PPP2R2C: variants seen among roughly 807,000 people sequenced by gnomAD.
The protein encoded by PPP2R2C is protein phosphatase 2, regulatory subunit B, gamma.
PPP2R2C carries 10 observed loss-of-function variants against 45.3 expected under a neutral mutation model. That is an observed-to-expected ratio of 0.22 (90% CI 0.14 to 0.37). The LOEUF (loss-of-function observed/expected upper bound fraction) is 0.37, where lower values mean the gene tolerates loss of function less well. Ranked by LOEUF, PPP2R2C falls within the 10% of genes least tolerant of loss-of-function variation. PPP2R2C has a pLI of 1.00. For synonymous variants in PPP2R2C, 257 were observed against 245.4 expected, an observed-to-expected ratio of 1.05 and a Z score of -0.44; for missense variants, 308 against 619.7, an observed-to-expected ratio of 0.50 and a Z score of 5.34.
intron 1 of PPP2R2C, among the ~76,000 whole-genome samples, chr4:6,423,045 T>C (rs1719076917): frequency 6.6e-6 from 1 of 152,206 alleles, no homozygotes; most frequent in Non-Finnish European, 1.5e-5. Flanking sequence ...CACTCACATC[T>C]GTCACGCTGG....
At position 6,345,436 on chromosome 4, in the gene PPP2R2C, A is replaced by G. The variant is rs1204107060; in HGVS notation, c.790+2410T>C. 6.6e-6 allele frequency among the ~76,000 whole-genome samples: 1 copy of G among 152,220 alleles called. No individual in the cohort carries two copies. The highest frequency in any genetic ancestry group is 6.5e-5 in the Admixed American group (1 of 15,286). ...TCAAAATAAGGCCAAAGATGAAATC[A>G]AGGACGCAACTCAGCCAACCTTGAG... On this transcript the variant is annotated intron_variant, in intron 6 of 8. Coordinates refer to ENST00000382599, the MANE Select transcript of PPP2R2C (RefSeq NM_020416.4). The surrounding 1 kb of genome is among the most constrained non-coding windows in gnomAD (Gnocchi z 5.3).
intron 2 of PPP2R2C, among the ~76,000 whole-genome samples, chr4:6,505,834 T>C (rs1445217472): frequency 6.6e-6 from 1 of 152,066 alleles, no homozygotes; most frequent in African/African-American, 2.4e-5. Context: ...GGCGTGGTGG[T>C]ACACGCTTGT....
intron 1 of PPP2R2C, chr4:6,383,300 G>C (rs1715988665): frequency 1.2e-5 from 15 of 1,272,464 alleles, no homozygotes; most frequent in Non-Finnish European, 1.5e-5. Flanking sequence ...AGCAGGGCAA[G>C]CCCAGCCAAG....
chr4:6,338,054 C>T (rs946463120), intron 6 of PPP2R2C, among the ~76,000 whole-genome samples: 1 of 151,918 alleles, frequency 6.6e-6, no homozygotes, highest in Non-Finnish European at 1.5e-5. Flanking sequence ...ACACACACAC[C>T]CCGCTGCACC....
chr4:6,335,026 G>A (rs1445582730), intron 6 of PPP2R2C, among the ~76,000 whole-genome samples: 1 of 152,204 alleles, frequency 6.6e-6, no homozygotes, highest in Non-Finnish European at 1.5e-5. Flanking sequence ...TACAACTCCT[G>A]TCCAGCTCCC....
At chr4:6,366,400 T>C (rs1714310163) in intron 5 of PPP2R2C, among the ~76,000 whole-genome samples, 1 of 152,038 alleles carries the variant, frequency 6.6e-6, no homozygotes, top group Non-Finnish European at 1.5e-5. Context: ...CACATGGAAG[T>C]GGTGAACTTC....
At chr4:6,560,411 G>C (rs908488142) in intron 1 of PPP2R2C, among the ~76,000 whole-genome samples, 3 of 152,238 alleles carry the variant, frequency 2.0e-5, no homozygotes, top group Non-Finnish European at 4.4e-5. Context: ...GTGGGGTAGA[G>C]TGACCAAGGA....
chr4:6,447,044 A>C (rs1560553746), intron 1 of PPP2R2C, among the ~76,000 whole-genome samples: 1 of 152,160 alleles, frequency 6.6e-6, no homozygotes. Context: ...AGGTCCTGCC[A>C]GGAAGCTGTG....
At chr4:6,433,906 C>T (rs1054133976) in intron 1 of PPP2R2C, among the ~76,000 whole-genome samples, 1 of 152,202 alleles carries the variant, frequency 6.6e-6, no homozygotes, top group African/African-American at 2.4e-5. Flanking sequence ...CTAAGCTGTG[C>T]AGCCTTTGGT....
At chr4:6,457,207 CAAAAAA>C (rs34145628) in intron 1 of PPP2R2C, among the ~76,000 whole-genome samples, 1 of 88,804 alleles carries the variant, frequency 1.1e-5, no homozygotes, top group African/African-American at 4.6e-5. Flanking sequence ...GACTCCATCT[CAAAAAA>C]AAAAAAAAAA....
rs762339661 is a variant in PPP2R2C, at chr4:6,323,592, C to T, written c.1054G>A (p.Val352Ile). 5 of 1,547,998 alleles carry T rather than the reference C, an allele frequency of 3.2e-6. No homozygotes were observed. Among genetic ancestry groups the T allele is most frequent in the Admixed American group, 1.8e-5 (1 of 55,780 alleles). Residue 352 changes from valine (V) to isoleucine (I), a missense_variant and splice_region_variant, in exon 9 of 9, where the codon GTC becomes ATC. Physicochemically the swap from Val to Ile is conservative, Grantham distance 29. Transcript: ENST00000382599. ...TTGTTGTAGGCCCCGGTCATGATGACGCTGGTGGGAGAAGGAGAGGCATCA... is the reference window on the plus strand; with the variant it reads ...TTGTTGTAGGCCCCGGTCATGATGATGCTGGTGGGAGAAGGAGAGGCATCA... ...FECAWNGSDSVIMTGAYNNFF... is the reference protein window; with the variant it reads ...FECAWNGSDSIIMTGAYNNFF...
Position 6,375,855 on chromosome 4 carries a change from C to T in PPP2R2C, c.411G>A (p.Gly137=), listed in dbSNP as rs371617770. The T allele has an allele frequency of 1.9e-6, 3 of 1,614,058 alleles. No homozygotes were observed. Among genetic ancestry groups the T allele is most frequent in the African/African-American group, 2.7e-5 (2 of 74,942 alleles). The part of the protein sequence containing the change: ...PEGYNLKDEE[G]KLKDLSTVTS... ...TCACCGTGGACAGGTCCTTAAGTTT[C>T]CCCTCTTCATCCTTCAGGTTGTATC... The change falls in exon 4 of 9, where the codon GGG becomes GGA. Residue 137 remains glycine (G), a synonymous_variant. Transcript: ENST00000382599.
At chr4:6,352,048 C>G (rs115307774) in intron 5 of PPP2R2C, among the ~76,000 whole-genome samples, 1 of 152,202 alleles carries the variant, frequency 6.6e-6, no homozygotes, top group Admixed American at 6.5e-5. Context: ...CTCCGGAGCA[C>G]GAGAATTATG....
At chr4:6,540,748 T>C (rs986795061) in intron 1 of PPP2R2C, among the ~76,000 whole-genome samples, 1 of 152,282 alleles carries the variant, frequency 6.6e-6, no homozygotes, top group African/African-American at 2.4e-5. Flanking sequence ...GTGCTCAGAA[T>C]GGTCTTTCCT....
At chr4:6,365,462 C>A (rs547214866) in intron 5 of PPP2R2C, among the ~76,000 whole-genome samples, 9 of 152,170 alleles carry the variant, frequency 5.9e-5, no homozygotes. Flanking sequence ...TACTCATCGG[C>A]CATTCCACCT....
At chr4:6,509,361 G>A (rs1216601034) in intron 2 of PPP2R2C, among the ~76,000 whole-genome samples, 1 of 152,056 alleles carries the variant, frequency 6.6e-6, no homozygotes, top group Non-Finnish European at 1.5e-5. Flanking sequence ...CAGAGCCAGT[G>A]CAACATGTCA....
chr4:6,359,425 C>T (rs770968244), intron 5 of PPP2R2C, among the ~76,000 whole-genome samples: 2 of 152,152 alleles, frequency 1.3e-5, no homozygotes, highest in Non-Finnish European at 2.9e-5. Flanking sequence ...AGCACACCAA[C>T]ATGGCACATG....
chr4:6,482,334 A>T (rs1722382600), intron 2 of PPP2R2C, among the ~76,000 whole-genome samples: 1 of 152,224 alleles, frequency 6.6e-6, no homozygotes, highest in Non-Finnish European at 1.5e-5. Context: ...GCACCAAGTG[A>T]TCAAGTAATT....
At chr4:6,401,877 G>A (rs1717436612) in intron 1 of PPP2R2C, among the ~76,000 whole-genome samples, 1 of 152,178 alleles carries the variant, frequency 6.6e-6, no homozygotes, top group Non-Finnish European at 1.5e-5. Context: ...GCCAGACACT[G>A]TACTGGATGC....
Sources: gnomAD v4.1 joint callset for allele counts (sites outside exome capture counted in the v4.1 genomes callset) on GRCh38, gnomAD v4.1.1 for gene constraint, Gnocchi (gnomAD v3.1) non-coding constraint, MANE v1.5 for transcripts, NCBI Gene and HGNC (gene_info 2026-07-23, HGNC 2026-07-21) for gene names.